ITGBL1: variants seen among roughly 807,000 people sequenced by gnomAD.
The protein encoded by ITGBL1 is integrin beta-like protein 1.
Under a neutral mutation model 68.5 loss-of-function variants are expected in ITGBL1, and 51 were observed. The observed-to-expected ratio is 0.74, with a 90% CI of 0.59 to 0.94. The LOEUF is 0.94. Among genes scored for constraint, ITGBL1 ranks in the 40% least tolerant of loss-of-function variants. The probability of loss-of-function intolerance (pLI) is 0.00; values close to 1 mark genes in which losing one functional copy is unlikely to be tolerated. For missense variants in ITGBL1, 649 were observed against 647.4 expected (o/e 1.00, Z -0.03); for synonymous variants, 209 against 227.3 (o/e 0.92, Z 0.72).
chr13:101,542,813 G>A (rs1439427309), intron 2 of ITGBL1, among the ~76,000 whole-genome samples: 1 of 152,098 alleles, frequency 6.6e-6, no homozygotes, highest in African/African-American at 2.4e-5. Context: ...TTGTGTAATG[G>A]CCTTCTTTGT....
chr13:101,655,156 G>T (rs72659162), intron 7 of ITGBL1, among the ~76,000 whole-genome samples: 8,532 of 152,250 alleles, frequency 0.056, 363 homozygotes, highest in Admixed American at 0.15. Flanking sequence ...AGCAAAGTGT[G>T]CCATGAAGGC....
At chr13:101,679,006 A>C (rs2033576993) in intron 7 of ITGBL1, among the ~76,000 whole-genome samples, 1 of 151,886 alleles carries the variant, frequency 6.6e-6, no homozygotes, top group Non-Finnish European at 1.5e-5. Flanking sequence ...TCCCTGGATC[A>C]AGCGATTCTC....
Position 101,669,880 on chromosome 13 carries a change from A to C in ITGBL1, c.1016-22705A>C, listed in dbSNP as rs371380884. ...TTTTCATTGCATCTCACTGCACATA[A>C]TTTGCAGGTCATACATCATTGCCTC... is the stretch of plus-strand genomic sequence containing the variant. On this transcript the variant is annotated intron_variant, in intron 7 of 10. Coordinates refer to ENST00000376180, the MANE Select transcript of ITGBL1 (RefSeq NM_004791.3). Among the ~76,000 whole-genome samples, 21 of 152,288 alleles carry C rather than the reference A, an allele frequency of 1.4e-4. No homozygotes were observed. In the East Asian group the frequency reaches 4.1e-3, roughly 29 times the overall value.
chr13:101,506,622 A>G (rs576333036), intron 2 of ITGBL1, among the ~76,000 whole-genome samples: 19 of 152,208 alleles, frequency 1.2e-4, no homozygotes, highest in Admixed American at 5.2e-4. Flanking sequence ...TGCAGGCTGC[A>G]CACATTTCCA....
At chr13:101,612,029 C>T (rs548585487) in intron 7 of ITGBL1, among the ~76,000 whole-genome samples, 13 of 152,194 alleles carry the variant, frequency 8.5e-5, no homozygotes, top group East Asian at 5.8e-4. Flanking sequence ...GGCATTCTTT[C>T]CTTTGGAATA....
intron 4 of ITGBL1, among the ~76,000 whole-genome samples, chr13:101,576,655 G>A (rs1047215199): frequency 6.6e-6 from 1 of 152,144 alleles, no homozygotes; most frequent in Non-Finnish European, 1.5e-5. Flanking sequence ...CATAGGACAA[G>A]CTTGTTCTTT....
chr13:101,598,997 T>C (rs1044755018), intron 7 of ITGBL1, among the ~76,000 whole-genome samples: 7 of 152,360 alleles, frequency 4.6e-5, no homozygotes, highest in African/African-American at 1.7e-4. Context: ...TCTAGATCCC[T>C]GAGGAATTGT....
intron 7 of ITGBL1, among the ~76,000 whole-genome samples, chr13:101,655,248 A>C (rs2032880569): frequency 6.6e-6 from 1 of 152,198 alleles, no homozygotes; most frequent in South Asian, 2.1e-4. Context: ...TTGAAACTAG[A>C]TTGATGGCAC....
chr13:101,491,388 G>C (rs1325692009), intron 2 of ITGBL1, among the ~76,000 whole-genome samples: 1 of 152,120 alleles, frequency 6.6e-6, no homozygotes, highest in Non-Finnish European at 1.5e-5. Context: ...TTATCATTAT[G>C]AGCAACTTCA....
At chr13:101,573,810 T>G (rs1376957077) in intron 3 of ITGBL1, among the ~76,000 whole-genome samples, 4 of 152,152 alleles carry the variant, frequency 2.6e-5, no homozygotes, top group African/African-American at 9.7e-5. Flanking sequence ...GATTTGCTAA[T>G]ATCTAGTAAT....
chr13:101,484,634 A>G lies in ITGBL1; in HGVS notation c.316+30534A>G, dbSNP rs189305719. ...TTAGGATTACAAGTGCAGTTTTGCTACATGAATATGTTGTATAGCGGGGGA... is the reference window on the plus strand; with the variant it reads ...TTAGGATTACAAGTGCAGTTTTGCTGCATGAATATGTTGTATAGCGGGGGA... On this transcript the variant is annotated intron_variant, in intron 2 of 10. Coordinates refer to ENST00000376180, the MANE Select transcript of ITGBL1 (RefSeq NM_004791.3). Among the ~76,000 whole-genome samples, 15 of 152,288 alleles carry G rather than the reference A, an allele frequency of 9.8e-5. No homozygotes were observed. In the Middle Eastern group the frequency reaches 0.014, roughly 138 times the overall value.
At chr13:101,545,650 A>G (rs1314094112) in intron 2 of ITGBL1, among the ~76,000 whole-genome samples, 1 of 152,200 alleles carries the variant, frequency 6.6e-6, no homozygotes, top group Non-Finnish European at 1.5e-5. Context: ...TAGTGCATTC[A>G]AAAGATAAGG....
chr13:101,611,816 T>C (rs543971382), intron 7 of ITGBL1, among the ~76,000 whole-genome samples: 2 of 152,242 alleles, frequency 1.3e-5, no homozygotes, highest in South Asian at 2.1e-4. Context: ...AGATTTTATA[T>C]CTACTCAAAT....
At chr13:101,692,837 A>C in intron 8 of ITGBL1, 136 bp downstream of exon 8, 2 of 684,854 alleles carry the variant, frequency 2.9e-6, no homozygotes. Context: ...TTGAACCTAA[A>C]AGCAATATAC....
At chr13:101,634,401 G>T (rs539522642) in intron 7 of ITGBL1, among the ~76,000 whole-genome samples, 1 of 152,130 alleles carries the variant, frequency 6.6e-6, no homozygotes, top group Non-Finnish European at 1.5e-5. Context: ...GGCAGAAAAT[G>T]AAAGCTTCAT....
intron 2 of ITGBL1, among the ~76,000 whole-genome samples, chr13:101,480,428 T>A (rs74868534): frequency 6.6e-6 from 1 of 151,952 alleles, no homozygotes; most frequent in Non-Finnish European, 1.5e-5. Context: ...AATGATGCTA[T>A]TTTTTCCATT....
intron 2 of ITGBL1, among the ~76,000 whole-genome samples, chr13:101,501,494 T>C (rs1451661020): frequency 1.3e-5 from 2 of 152,178 alleles, no homozygotes; most frequent in Non-Finnish European, 2.9e-5. Flanking sequence ...AGAATGCAGC[T>C]GACACTGACA....
At chr13:101,493,503 TG>T (rs1225643604) in intron 2 of ITGBL1, among the ~76,000 whole-genome samples, 4 of 152,254 alleles carry the variant, frequency 2.6e-5, no homozygotes, top group African/African-American at 4.8e-5. Context: ...TTCTGATCTA[TG>T]GGGGGAGTGA....
chr13:101,476,251 GCAAT>G (rs549096007), intron 2 of ITGBL1, among the ~76,000 whole-genome samples: 242 of 152,118 alleles, frequency 1.6e-3, no homozygotes, highest in Admixed American at 3.9e-3. Flanking sequence ...GTTCATTTTT[GCAAT>G]CAGTGTTGTC....
Sources: gnomAD v4.1 joint callset for allele counts (sites outside exome capture counted in the v4.1 genomes callset) on GRCh38, gnomAD v4.1.1 for gene constraint, MANE v1.5 for transcripts, NCBI Gene and HGNC (gene_info 2026-07-23, HGNC 2026-07-21) for gene names.